The following AKT3 variants were observed in gnomAD, a reference collection of about 807,000 sequenced individuals.
The protein encoded by AKT3 is RAC-gamma serine/threonine-protein kinase.
A neutral mutation model predicts 65.3 loss-of-function variants in AKT3; 15 were observed. The observed-to-expected ratio is 0.23, with a 90% CI of 0.15 to 0.35. The LOEUF (loss-of-function observed/expected upper bound fraction) is 0.35. Ranked by LOEUF, AKT3 falls within the 10% of genes least tolerant of loss-of-function variation. The pLI is 1.00. For synonymous variants in AKT3, 206 were observed against 183.8 expected, an observed-to-expected ratio of 1.12 and a Z score of -0.98; for missense variants, 243 against 576.5, an observed-to-expected ratio of 0.42 and a Z score of 5.92.
intron 8 of AKT3, among the ~76,000 whole-genome samples, chr1:243,605,715 AT>A: frequency 6.6e-6 from 1 of 152,198 alleles, no homozygotes; most frequent in East Asian, 1.9e-4. Flanking sequence ...ATTCACTTTC[AT>A]CAAAAATTTT....
intron 2 of AKT3, among the ~76,000 whole-genome samples, chr1:243,709,563 T>G (rs1404901933): frequency 3.3e-5 from 5 of 152,088 alleles, no homozygotes; most frequent in African/African-American, 1.2e-4. Context: ...AACAGTCTTA[T>G]TCTTTTTAAA....
At chr1:243,796,412 G>C (rs1692008773) in intron 2 of AKT3, among the ~76,000 whole-genome samples, 1 of 152,212 alleles carries the variant, frequency 6.6e-6, no homozygotes, top group Non-Finnish European at 1.5e-5. Flanking sequence ...CCACACAGCA[G>C]TCTGGGTGAT....
chr1:243,757,779 CA>C, intron 2 of AKT3, among the ~76,000 whole-genome samples: 1 of 107,708 alleles, frequency 9.3e-6, no homozygotes, highest in African/African-American at 3.8e-5. Flanking sequence ...TTTTTTTTTT[CA>C]TATGGAATCT....
At chr1:243,827,440 C>G (rs1479207204) in intron 2 of AKT3, among the ~76,000 whole-genome samples, 1 of 152,036 alleles carries the variant, frequency 6.6e-6, no homozygotes, top group Non-Finnish European at 1.5e-5. Flanking sequence ...CCTTTCTTCC[C>G]AATTTTTGTT....
downstream of AKT3, among the ~76,000 whole-genome samples, chr1:243,497,569 GCTCCGATA>G (rs199689943): frequency 6.9e-3 from 1,050 of 152,278 alleles, 19 homozygotes; most frequent in African/African-American, 0.024. Flanking sequence ...TTCTGGAACA[GCTCCGATA>G]GTGATAAATT....
chr1:243,829,478 T>C (rs936244965), intron 2 of AKT3, among the ~76,000 whole-genome samples: 4 of 151,868 alleles, frequency 2.6e-5, no homozygotes, highest in East Asian at 1.9e-4. Flanking sequence ...ACTAGAAAAA[T>C]ATTCACAACA....
intron 3 of AKT3, among the ~76,000 whole-genome samples, chr1:243,686,651 A>ATTTTTTTTTT (rs143487611): frequency 4.3e-5 from 1 of 23,522 alleles, no homozygotes; most frequent in East Asian, 1.1e-3. Flanking sequence ...ATATATATAT[A>ATTTTTTTTTT]TTTTTTTTTT....
downstream of AKT3, among the ~76,000 whole-genome samples, chr1:243,495,983 A>G (rs562156042): frequency 1.4e-3 from 213 of 152,306 alleles, 2 homozygotes; most frequent in Non-Finnish European, 2.2e-3. Context: ...GTTAGCTTTC[A>G]TGTCACTTGA....
At chr1:243,559,363 G>T (rs1673616789) in intron 10 of AKT3, among the ~76,000 whole-genome samples, 1 of 152,094 alleles carries the variant, frequency 6.6e-6, no homozygotes, top group Non-Finnish European at 1.5e-5. Context: ...TAGCAGTATT[G>T]TTAAATGCTT....
At chr1:243,564,121 T>C (rs1215281699) in intron 9 of AKT3, among the ~76,000 whole-genome samples, 2 of 152,200 alleles carry the variant, frequency 1.3e-5, no homozygotes, top group East Asian at 3.8e-4. Flanking sequence ...GTTCTGAAAT[T>C]AAAGCCTAAT....
chr1:243,509,541 C>T (rs767741276), intron 13 of AKT3, among the ~76,000 whole-genome samples: 2 of 152,080 alleles, frequency 1.3e-5, no homozygotes, highest in Non-Finnish European at 2.9e-5. Flanking sequence ...CTTATTTGTA[C>T]CCAAATCCAT....
Position 243,588,464 on chromosome 1 carries a change from G to A in AKT3, c.697-15416C>T, listed in dbSNP as rs78516453. ...CAATACTGAAATATCAATCATATTT[G>A]TAAATACTGCCTTCCAGAATAAAAA... On this transcript the variant is annotated intron_variant, in intron 8 of 13. Coordinates refer to ENST00000673466, the MANE Select transcript of AKT3 (RefSeq NM_005465.7). 3.3e-4 allele frequency among the ~76,000 whole-genome samples: 51 copies of A among 152,292 alleles called. No homozygotes were observed. In the East Asian group the frequency reaches 9.8e-3, roughly 29 times the overall value.
rs113331473 is a variant in AKT3, at chr1:243,787,112, G to A, written c.46+56013C>T. Reference sequence around the variant, plus strand: ...AGTGGTTGGTGTGGAATAACTGCCAGTCATCATCTCATCCATAAGTAAGAT... The same window carrying A: ...AGTGGTTGGTGTGGAATAACTGCCAATCATCATCTCATCCATAAGTAAGAT... On this transcript the variant is annotated intron_variant, in intron 2 of 13. Transcript: ENST00000673466. Among the ~76,000 whole-genome samples, 510 of 152,304 alleles carry A rather than the reference G, an allele frequency of 3.3e-3. 6 individuals carry two copies. Among genetic ancestry groups the A allele is most frequent in the African/African-American group, 0.012 (490 of 41,572 alleles).
At position 243,607,264 on chromosome 1, in the gene AKT3, C is replaced by A. The variant is rs182885459; in HGVS notation, c.696+6407G>T. ...ACAGTGCACCTGGAAAAGCCACAGA[C>A]ACTCAACACCAGCCCATGAAAGTAG... On this transcript the variant is annotated intron_variant, in intron 8 of 13. Coordinates refer to ENST00000673466, the MANE Select transcript of AKT3 (RefSeq NM_005465.7). 4.1e-4 allele frequency among the ~76,000 whole-genome samples: 63 copies of A among 152,328 alleles called. No individual in the cohort carries two copies. In the East Asian group the frequency reaches 9.3e-3, roughly 22 times the overall value.
intron 6 of AKT3, among the ~76,000 whole-genome samples, chr1:243,619,071 T>C (rs1678549154): frequency 1.3e-5 from 2 of 152,120 alleles, no homozygotes; most frequent in Admixed American, 6.6e-5. Flanking sequence ...TCACATTATT[T>C]TCTCCAAATT....
intron 2 of AKT3, among the ~76,000 whole-genome samples, chr1:243,813,892 C>T (rs1693350482): frequency 6.6e-6 from 1 of 152,030 alleles, no homozygotes; most frequent in Admixed American, 6.6e-5. Context: ...ATCACTTGAG[C>T]CCAGGAGGTC....
At chr1:243,489,347 T>C (rs1285188676) in intron 13 of AKT3, among the ~76,000 whole-genome samples, 1 of 152,150 alleles carries the variant, frequency 6.6e-6, no homozygotes, top group Non-Finnish European at 1.5e-5. Flanking sequence ...TTAAAGTCCG[T>C]GCAGGTGAAC....
At chr1:243,562,125 A>G (rs560791535) in intron 10 of AKT3, among the ~76,000 whole-genome samples, 4 of 152,322 alleles carry the variant, frequency 2.6e-5, no homozygotes, top group African/African-American at 7.2e-5. Context: ...ATATCCATAT[A>G]ATGGAATATT....
intron 1 of AKT3, among the ~76,000 whole-genome samples, chr1:243,848,095 A>G (rs1366249104): frequency 6.6e-6 from 1 of 152,152 alleles, no homozygotes; most frequent in African/African-American, 2.4e-5. Context: ...AAAACCCTAC[A>G]TTCATCTAAA....
Sources: allele counts gnomAD v4.1 joint callset (sites outside exome capture counted in the v4.1 genomes callset), GRCh38; gene constraint gnomAD v4.1.1; transcripts MANE v1.5; gene names NCBI Gene and HGNC (gene_info 2026-07-23, HGNC 2026-07-21).